Variants in PGAP4 observed in about 807,000 individuals in gnomAD.
PGAP4 encodes the protein post-GPI attachment to proteins GalNAc transferase 4, also known as GPI-N-acetylgalactosamine transferase PGAP4.
A neutral mutation model predicts 28.2 loss-of-function variants in PGAP4; 12 were observed. The ratio of observed to expected loss-of-function variants is 0.42; its 90% confidence interval spans 0.27 to 0.69. The LOEUF is 0.69. PGAP4 is among the 30% of genes least tolerant of loss of function. PGAP4 has a pLI of 0.22. For synonymous variants in PGAP4, 205 were observed against 211.8 expected (o/e 0.97, Z 0.28); for missense variants, 425 against 513.5 (o/e 0.83, Z 1.67).
At chr9:101,508,956 C>A (rs1015680855) in intron 2 of PGAP4, among the ~76,000 whole-genome samples, 2 of 152,160 alleles carry the variant, frequency 1.3e-5, no homozygotes, top group African/African-American at 4.8e-5. Context: ...TGGAAACAGG[C>A]TTTTCAGTGC....
At chr9:101,519,917 C>T (rs1240046415) in intron 2 of PGAP4, among the ~76,000 whole-genome samples, 1 of 152,162 alleles carries the variant, frequency 6.6e-6, no homozygotes, top group African/African-American at 2.4e-5. Flanking sequence ...GATGAGGATC[C>T]AGTTTCATTC....
chr9:101,507,056 C>G lies in PGAP4; in HGVS notation c.-164-17856G>C, dbSNP rs530707565. On this transcript the variant is annotated intron_variant, in intron 2 of 3. Transcript: ENST00000374851. ...TCCTTAGCATTCTAGTTGACCCCAA[C>G]AGTCAATATCTGTTTGCTTTCACCT... 8.7e-4 allele frequency among the ~76,000 whole-genome samples: 132 copies of G among 152,190 alleles called. 1 individual carries two copies. In the Middle Eastern group the frequency reaches 0.031, roughly 35 times the overall value.
intron 2 of PGAP4, among the ~76,000 whole-genome samples, chr9:101,492,199 ATT>A (rs909305342): frequency 6.8e-6 from 1 of 146,834 alleles, no homozygotes; most frequent in African/African-American, 2.5e-5. Flanking sequence ...TCTGGCAGTA[ATT>A]TTTTTTTTTT....
upstream of PGAP4, among the ~76,000 whole-genome samples, chr9:101,491,812 GATATATATATATATATAT>G (rs58209077): frequency 0.032 from 3,452 of 106,280 alleles, 208 homozygotes; most frequent in African/African-American, 0.12. Context: ...AATCTTAAAG[GATATATATATATATATAT>G]ATATATATAT....
exon 1 of PGAP4, chr9:101,533,080 A>T (rs973076492): frequency 5.3e-5 from 8 of 151,402 alleles, no homozygotes; most frequent in African/African-American, 1.7e-4. Context: ...GGAAAATAGC[A>T]GTTTGTCATA....
At chr9:101,506,881 C>T (rs62575815) in intron 2 of PGAP4, among the ~76,000 whole-genome samples, 13,857 of 152,066 alleles carry the variant, frequency 0.091, 677 homozygotes, top group Middle Eastern at 0.14. Context: ...CTGTAAAAAC[C>T]TAACAGCCAA....
intron 2 of PGAP4, among the ~76,000 whole-genome samples, chr9:101,512,561 A>AT (rs1448793684): frequency 1.3e-5 from 2 of 152,354 alleles, no homozygotes; most frequent in East Asian, 3.9e-4. Context: ...CCAATTAGAC[A>AT]TTTAAACTAA....
At chr9:101,498,336 GT>G (rs202203333) in intron 2 of PGAP4, among the ~76,000 whole-genome samples, 148 of 149,922 alleles carry the variant, frequency 9.9e-4, no homozygotes, top group Non-Finnish European at 1.8e-3. Flanking sequence ...CATTTTAACC[GT>G]TTTTTTTTAG....
chr9:101,489,837 A>G (rs1041700461), upstream of PGAP4, among the ~76,000 whole-genome samples: 1 of 152,230 alleles, frequency 6.6e-6, no homozygotes, highest in Non-Finnish European at 1.5e-5. Context: ...CTTTGTTCAT[A>G]TAAAAATTGA....
chr9:101,511,150 TG>T (rs1380184442), intron 2 of PGAP4, among the ~76,000 whole-genome samples: 6 of 151,838 alleles, frequency 4.0e-5, no homozygotes, highest in Non-Finnish European at 5.9e-5. Context: ...CTTATTCCTA[TG>T]AGAATCTAAT....
chr9:101,511,062 C>T (rs1004368112), intron 2 of PGAP4, among the ~76,000 whole-genome samples: 5 of 152,146 alleles, frequency 3.3e-5, no homozygotes, highest in Admixed American at 1.3e-4. Flanking sequence ...CTCAGTTCCA[C>T]CTTAGATCAT....
rs1826206894 is a variant in PGAP4 at position 101,473,292 on chromosome 9, A to G, written c.*2589T>C. ...CTGAAAGGTGAGTGAGCCTGTTAAG[A>G]GACCTCCACCCTTCTAGTAACCTAT... On this transcript the variant is annotated 3_prime_UTR_variant, in exon 2 of 2. Coordinates refer to ENST00000374848, the MANE Select transcript of PGAP4 (RefSeq NM_032342.3). The G allele has an allele frequency of 1.3e-5, 2 of 152,232 alleles. No individual in the cohort carries two copies. The allele number at this position is 152,232 out of a possible 1,614,324, so 9.4% of individuals were successfully genotyped here.
intron 2 of PGAP4, chr9:101,501,932 CA>C (rs1323673651): frequency 2.8e-6 from 1 of 354,952 alleles, no homozygotes; most frequent in Non-Finnish European, 5.5e-6. Flanking sequence ...CCAGCGTCGC[CA>C]CCAGGCCCTG....
At chr9:101,512,891 T>C (rs1342176140) in intron 2 of PGAP4, among the ~76,000 whole-genome samples, 2 of 152,150 alleles carry the variant, frequency 1.3e-5, no homozygotes, top group Non-Finnish European at 2.9e-5. Flanking sequence ...TTTGAGTGTT[T>C]CCCAGCTATT....
chr9:101,523,619 CTTTTTTTTTTTTTT>C (rs71356369), intron 2 of PGAP4, among the ~76,000 whole-genome samples: 1,043 of 59,372 alleles, frequency 0.018, 11 homozygotes, highest in Non-Finnish European at 0.026. Context: ...CTTCTTGTAT[CTTTTTTTTTTTTTT>C]TTTTTTTTTT....
chr9:101,500,891 A>G (rs1211299684), intron 2 of PGAP4, among the ~76,000 whole-genome samples: 2 of 152,024 alleles, frequency 1.3e-5, no homozygotes, highest in Non-Finnish European at 2.9e-5. Context: ...AAAGTTTGGG[A>G]AAAAGTTGAT....
At chr9:101,522,059 C>T (rs1211881170) in intron 2 of PGAP4, among the ~76,000 whole-genome samples, 3 of 151,994 alleles carry the variant, frequency 2.0e-5, no homozygotes, top group Admixed American at 2.0e-4. Flanking sequence ...AGTTTTATTC[C>T]ACTGTGGTCC....
intron 2 of PGAP4, among the ~76,000 whole-genome samples, chr9:101,530,845 A>C (rs1337659334): frequency 1.3e-5 from 2 of 152,208 alleles, no homozygotes; most frequent in African/African-American, 4.8e-5. Flanking sequence ...GTGCCCAAAT[A>C]GTTGGTGAAA....
chr9:101,509,079 C>T (rs929045717), intron 2 of PGAP4, among the ~76,000 whole-genome samples: 1 of 152,158 alleles, frequency 6.6e-6, no homozygotes, highest in Non-Finnish European at 1.5e-5. Context: ...CCTCTTCTAG[C>T]GTGGACAAAG....
Sources: allele counts gnomAD v4.1 joint callset (sites outside exome capture counted in the v4.1 genomes callset), GRCh38; gene constraint gnomAD v4.1.1; transcripts MANE v1.5; gene names NCBI Gene and HGNC (gene_info 2026-07-23, HGNC 2026-07-21).